Variants in PLVAP observed in about 807,000 individuals in gnomAD.
PLVAP encodes the protein plasmalemma vesicle-associated protein.
Under a neutral mutation model 43.1 loss-of-function variants are expected in PLVAP, and 34 were observed. The observed-to-expected ratio is 0.79, with a 90% CI of 0.60 to 1.05. PLVAP has a LOEUF of 1.05. Among genes scored for constraint, PLVAP ranks in the 50% least tolerant of loss-of-function variants. The probability of loss-of-function intolerance (pLI) is 0.00; values close to 1 mark genes in which losing one functional copy is unlikely to be tolerated. For synonymous variants in PLVAP, 241 were observed against 237.3 expected (o/e 1.02, Z -0.14); for missense variants, 574 against 593.4 (o/e 0.97, Z 0.34).
At chr19:17,372,448 TTTTA>T (rs895001266) in intron 1 of PLVAP, among the ~76,000 whole-genome samples, 4 of 149,094 alleles carry the variant, frequency 2.7e-5, no homozygotes, top group African/African-American at 4.9e-5. Context: ...TAAATAATGT[TTTTA>T]TTTATTTATT....
chr19:17,367,843 A>G (rs922287959), intron 1 of PLVAP, among the ~76,000 whole-genome samples: 10 of 151,940 alleles, frequency 6.6e-5, no homozygotes, highest in Non-Finnish European at 2.9e-5. Context: ...TATGAGCTCA[A>G]CTGTATCCCC....
chr19:17,365,014 C>G (rs1248265856), intron 3 of PLVAP, among the ~76,000 whole-genome samples: 2 of 152,064 alleles, frequency 1.3e-5, no homozygotes, highest in Non-Finnish European at 2.9e-5. Context: ...CTCAGGCGAT[C>G]CACCCACCTT....
chr19:17,360,414 T>C lies in PLVAP; in HGVS notation c.1322+114A>G, dbSNP rs2074523301. 5 of 1,086,568 alleles carry C rather than the reference T, an allele frequency of 4.6e-6. No individual in the cohort carries two copies. The South Asian group carries it at 5.2e-5, about 11-fold the overall frequency. The allele number at this position is 1,086,568 out of a possible 1,614,324, so 67.3% of individuals were successfully genotyped here. On this transcript the variant is annotated intron_variant, in intron 5 of 5. Transcript: ENST00000252590. ...CATACATGACCTAGTATACAGCAGG[T>C]GCTCAATTAAGGAAGAAGCAAGTGT...
chr19:17,359,007 C>G (rs1258713558), intron 5 of PLVAP, among the ~76,000 whole-genome samples: 1 of 151,892 alleles, frequency 6.6e-6, no homozygotes, highest in Non-Finnish European at 1.5e-5. Flanking sequence ...GCTATGTTGC[C>G]CAGACTGGTC....
At chr19:17,365,208 C>T (rs2074543440) in intron 3 of PLVAP, 78 bp downstream of exon 3, 10 of 1,385,724 alleles carry the variant, frequency 7.2e-6, no homozygotes, top group Non-Finnish European at 8.8e-6. Flanking sequence ...AAGCCAACTC[C>T]AAGTTCAAAT....
intron 5 of PLVAP, among the ~76,000 whole-genome samples, chr19:17,355,057 A>C (rs1033556351): frequency 6.7e-5 from 10 of 149,936 alleles, no homozygotes; most frequent in Non-Finnish European, 1.3e-4. Context: ...CGCCATCTCT[A>C]CTAAAAATAC....
chr19:17,370,439 A>T (rs920152699), intron 1 of PLVAP, among the ~76,000 whole-genome samples: 1 of 152,212 alleles, frequency 6.6e-6, no homozygotes, highest in African/African-American at 2.4e-5. Flanking sequence ...CCTTCCATAC[A>T]TAGAACATGA....
rs531954634 is a variant in PLVAP at position 17,374,631 on chromosome 19, G to GT, written c.369+2288dup. On this transcript the variant is annotated intron_variant, in intron 1 of 5. Transcript: ENST00000252590. ...CTTTTATTCAGTCCATCCTTTTTTT[G>GT]TTTTTTTTTTTCCATTCAGGGTCTC... 9.6e-4 allele frequency among the ~76,000 whole-genome samples: 140 copies of GT among 145,648 alleles called. 1 individual carries two copies. The highest frequency in any genetic ancestry group is 5.9e-3 in the South Asian group (27 of 4,580).
In PLVAP at chr19:17,352,489, C is replaced by T. The variant is rs532622463; in HGVS notation, c.1323-121G>A. On this transcript the variant is annotated intron_variant, in intron 5 of 5. Transcript: ENST00000252590. ...AACATCCTGGGGACCCCGGCCCTGC[C>T]TCCTACCACCCTGGGCCCCTACTTC... 47 of 1,091,814 alleles carry T rather than the reference C, an allele frequency of 4.3e-5. No individual in the cohort carries two copies. In the African/African-American group the frequency reaches 4.3e-4, roughly 10 times the overall value. The allele number at this position is 1,091,814 out of a possible 1,614,324, so 67.6% of individuals were successfully genotyped here.
chr19:17,372,678 G>C (rs1256354574), intron 1 of PLVAP, among the ~76,000 whole-genome samples: 1 of 150,374 alleles, frequency 6.7e-6, no homozygotes, highest in Non-Finnish European at 1.5e-5. Flanking sequence ...GCATGGTCTC[G>C]ATCTCCTGAC....
intron 5 of PLVAP, among the ~76,000 whole-genome samples, chr19:17,358,831 A>C (rs1038828525): frequency 6.7e-6 from 1 of 149,430 alleles, no homozygotes; most frequent in Non-Finnish European, 1.5e-5. Flanking sequence ...ACAGGATCTC[A>C]CTCTGTCTCC....
chr19:17,355,560 G>A (rs1307828052), intron 5 of PLVAP, among the ~76,000 whole-genome samples: 3 of 139,560 alleles, frequency 2.1e-5, no homozygotes, highest in East Asian at 2.1e-4. Flanking sequence ...ACAGTGTCTC[G>A]CTCTGTAGCC....
At chr19:17,372,281 T>C (rs1279793122) in intron 1 of PLVAP, among the ~76,000 whole-genome samples, 2 of 150,100 alleles carry the variant, frequency 1.3e-5, no homozygotes, top group Non-Finnish European at 3.0e-5. Context: ...TGGTGGCGGG[T>C]GCCTGTAATC....
intron 1 of PLVAP, among the ~76,000 whole-genome samples, chr19:17,374,796 TTGTATGTATGTATGTA>T (rs776250486): frequency 7.1e-6 from 1 of 141,144 alleles, no homozygotes; most frequent in South Asian, 2.3e-4. Context: ...TGACTAATTT[TTGTATGTATGTATGTA>T]TGTATGTATG....
chr19:17,360,541 C>G lies in PLVAP; in HGVS notation c.1309G>C (p.Val437Leu), dbSNP rs2074523657. 1.9e-6 allele frequency: 3 copies of G among 1,614,010 alleles called. No homozygotes were observed. The highest frequency in any genetic ancestry group is 2.7e-5 in the African/African-American group (2 of 74,940). Residue 437 changes from valine (V) to leucine (L), a missense_variant, in exon 5 of 6, where the codon GTA becomes CTA. Coordinates refer to ENST00000252590, the MANE Select transcript of PLVAP (RefSeq NM_031310.3). ...CCAGTGCCTTACCTGGATGGGGCTACAGGGATGCCTGCAGGGGGCCTCTGG... is the reference window on the plus strand; with the variant it reads ...CCAGTGCCTTACCTGGATGGGGCTAGAGGGATGCCTGCAGGGGGCCTCTGG... ...ESQRPPAGIPVAPSSG is the reference protein window; with the variant it reads ...ESQRPPAGIPLAPSSG
intron 1 of PLVAP, among the ~76,000 whole-genome samples, chr19:17,371,048 T>G (rs1309009705): frequency 6.8e-6 from 1 of 147,296 alleles, no homozygotes; most frequent in East Asian, 2.1e-4. Context: ...AGAGCGAGAC[T>G]CCATCTCAAA....
Position 17,364,764 on chromosome 19 carries a change from CTTTTTTTTTTTTTT to C in PLVAP, c.1179+508_1179+521del, listed in dbSNP as rs71162109. Among the ~76,000 whole-genome samples the C allele has an allele frequency of 7.4e-3, 649 of 87,368 alleles. 9 individuals are homozygous for C. Among genetic ancestry groups the C allele is most frequent in the Middle Eastern group, 0.071 (12 of 170 alleles). 57.3% of individuals were successfully genotyped at this position (87,368 alleles called of 152,430 possible). A position where few individuals can be genotyped will look rare whatever the true frequency, so the allele number is the denominator to read the frequency against. ...TATCCACCCTACCTCTAATTCCAGT[CTTTTTTTTTTTTTT>C]TTTTTTTTTTTTGAGATGGAGTCTT... On this transcript the variant is annotated intron_variant, in intron 3 of 5. Transcript: ENST00000252590.
intron 5 of PLVAP, among the ~76,000 whole-genome samples, chr19:17,353,542 C>T (rs914554737): frequency 4.6e-5 from 7 of 152,166 alleles, no homozygotes; most frequent in African/African-American, 1.7e-4. Context: ...GGCCTCTTCC[C>T]TCAAACACAC....
chr19:17,360,644 C>A, intron 4 of PLVAP, 35 bp from the exon 5 acceptor site: 1 of 1,595,380 alleles, frequency 6.3e-7, no homozygotes, highest in Non-Finnish European at 8.6e-7. Context: ...TGACCTACAG[C>A]TTCAGTTGCC....
Sources: gnomAD v4.1 joint callset for allele counts (sites outside exome capture counted in the v4.1 genomes callset) on GRCh38, gnomAD v4.1.1 for gene constraint, MANE v1.5 for transcripts, NCBI Gene and HGNC (gene_info 2026-07-23, HGNC 2026-07-21) for gene names.